DHTKD1: variants seen among roughly 807,000 people sequenced by gnomAD.
DHTKD1 encodes the protein dehydrogenase E1 and transketolase domain containing 1, also known as 2-oxoadipate dehydrogenase complex component E1.
Under a neutral mutation model 101.8 loss-of-function variants are expected in DHTKD1, and 78 were observed. That is an observed-to-expected ratio of 0.77 (90% CI 0.64 to 0.93). The LOEUF (loss-of-function observed/expected upper bound fraction) is 0.93. DHTKD1 is among the 40% of genes least tolerant of loss of function. The pLI is 0.00. For synonymous variants in DHTKD1, 462 were observed against 450.3 expected, an observed-to-expected ratio of 1.03 and a Z score of -0.33; for missense variants, 1,223 against 1,161.7, an observed-to-expected ratio of 1.05 and a Z score of -0.77.
rs188643907 is a variant in DHTKD1 at position 12,100,725 on chromosome 10, T to C, written c.1757-317T>C. The stretch of plus-strand genomic sequence containing the variant: ...TTCTTTCCTGACAATATTACTTATT[T>C]GTAGTATAAGTCATGCTGACAACCT... On this transcript the variant is annotated intron_variant, in intron 9 of 16. Coordinates refer to ENST00000263035, the MANE Select transcript of DHTKD1 (RefSeq NM_018706.7). 8.6e-4 allele frequency among the ~76,000 whole-genome samples: 131 copies of C among 152,308 alleles called. No individual in the cohort carries two copies. The East Asian group carries it at 0.021, about 25-fold the overall frequency.
chr10:12,101,142 C>T lies in DHTKD1; in HGVS notation c.1857C>T (p.Pro619=). ...AGGAGACGGATGACACCTACATCCCCCTGAACCATATGGACCCAAATCAGA... is the reference window on the plus strand; with the variant it reads ...AGGAGACGGATGACACCTACATCCCTCTGAACCATATGGACCCAAATCAGA... ...VCQETDDTYI[P]LNHMDPNQKG... Residue 619 remains proline, a synonymous_variant, in exon 10 of 17, where the codon CCC becomes CCT. Coordinates refer to ENST00000263035, the MANE Select transcript of DHTKD1 (RefSeq NM_018706.7). The T allele has an allele frequency of 1.9e-6, 3 of 1,614,056 alleles. No individual in the cohort carries two copies. The highest frequency in any genetic ancestry group is 2.5e-6 in the Non-Finnish European group (3 of 1,180,012).
In DHTKD1 at chr10:12,081,487, C is replaced by T. The variant is rs749788470; in HGVS notation, c.170C>T (p.Ala57Val). Reference sequence around the variant, plus strand: ...CCTGATTTAGTTGATCATGGCCTTGCCAGGTTGGTGACAGTATATTGTGAG... The same window carrying T: ...CCTGATTTAGTTGATCATGGCCTTGTCAGGTTGGTGACAGTATATTGTGAG... ...LERPPVDHGL[A>V]RLVTVYCEHG... The change falls in exon 2 of 17, where the codon GCC becomes GTC. Residue 57 changes from alanine to valine, a missense_variant. Physicochemically the swap from Ala to Val is moderately conservative, Grantham distance 64 (BLOSUM62 0). Coordinates refer to ENST00000263035, the MANE Select transcript of DHTKD1 (RefSeq NM_018706.7). 1.2e-6 allele frequency: 2 copies of T among 1,613,870 alleles called. No homozygotes were observed. The highest frequency in any genetic ancestry group is 1.7e-5 in the Admixed American group (1 of 59,960).
rs373084091 is a variant in DHTKD1 at position 12,094,728 on chromosome 10, G to A, written c.1358+457G>A. 5.5e-4 allele frequency among the ~76,000 whole-genome samples: 83 copies of A among 152,192 alleles called. 1 individual carries two copies. The highest frequency in any genetic ancestry group is 1.8e-3 in the African/African-American group (76 of 41,532). On this transcript the variant is annotated intron_variant, in intron 7 of 16. Transcript: ENST00000263035. ...GGCTCACTGCAACCTCTGCCTCCTG[G>A]GTTCAAGCAATTGCAATTCTTGTGC... is the stretch of plus-strand genomic sequence containing the variant.
intron 15 of DHTKD1, among the ~76,000 whole-genome samples, chr10:12,119,261 G>A (rs926477828): frequency 6.6e-6 from 1 of 151,358 alleles, no homozygotes; most frequent in Non-Finnish European, 1.5e-5. Flanking sequence ...AGCCGAGATT[G>A]TGCCACTGCA....
At chr10:12,075,532 G>A (rs1040647600) in intron 1 of DHTKD1, among the ~76,000 whole-genome samples, 2 of 150,610 alleles carry the variant, frequency 1.3e-5, no homozygotes, top group East Asian at 1.9e-4. Context: ...GAGCCACTGC[G>A]CCCATCCAAT....
intron 1 of DHTKD1, among the ~76,000 whole-genome samples, chr10:12,071,900 A>G (rs1429560722): frequency 1.3e-5 from 2 of 152,208 alleles, no homozygotes; most frequent in African/African-American, 4.8e-5. Context: ...CATATAGTAC[A>G]TTTGCATTTT....
At chr10:12,117,056 G>T (rs1385644938) in intron 13 of DHTKD1, among the ~76,000 whole-genome samples, 1 of 151,728 alleles carries the variant, frequency 6.6e-6, no homozygotes, top group Non-Finnish European at 1.5e-5. Flanking sequence ...AGGCTGGAGT[G>T]CAATGGTGCG....
chr10:12,089,278 A>G (rs1246168184), intron 5 of DHTKD1, 23 bp downstream of exon 5: 3 of 1,604,350 alleles, frequency 1.9e-6, no homozygotes, highest in Non-Finnish European at 2.6e-6. Flanking sequence ...TCTGAAATTG[A>G]GGCCAGAGGT....
chr10:12,101,083 A>G lies in DHTKD1; in HGVS notation c.1798A>G (p.Thr600Ala). The stretch of plus-strand genomic sequence containing the variant: ...AAGTGGCCAAGATGTTGGTCGTGGA[A>G]CTTTCAGTCAGAGGCATGCAATCGT... ...RLSGQDVGRG[T>A]FSQRHAIVVC... The change falls in exon 10 of 17, where the codon ACT becomes GCT. Residue 600 changes from threonine (T) to alanine (A), a missense_variant. Thr to Ala is a moderately conservative substitution (Grantham distance 58). Transcript: ENST00000263035. 1 of 1,614,132 alleles carries G rather than the reference A, an allele frequency of 6.2e-7. No individual in the cohort carries two copies. The highest frequency in any genetic ancestry group is 8.5e-7 in the Non-Finnish European group (1 of 1,180,016).
intron 16 of DHTKD1, among the ~76,000 whole-genome samples, chr10:12,120,583 A>G (rs1013483530): frequency 7.2e-5 from 11 of 151,796 alleles, no homozygotes; most frequent in African/African-American, 2.2e-4. Flanking sequence ...TGATCCGCCC[A>G]CCTCGGCCTC....
At chr10:12,095,854 A>G (rs976269482) in intron 7 of DHTKD1, among the ~76,000 whole-genome samples, 1 of 149,152 alleles carries the variant, frequency 6.7e-6, no homozygotes, top group Non-Finnish European at 1.5e-5. Context: ...GAAAAGAAAA[A>G]GAAAAATTAG....
At chr10:12,081,440 T>C in intron 1 of DHTKD1, 32 bp from the exon 2 acceptor site, 2 of 1,603,470 alleles carry the variant, frequency 1.2e-6, no homozygotes, top group Non-Finnish European at 1.7e-6. Flanking sequence ...TCTCCTAAAC[T>C]GTTTGCATTT....
intron 5 of DHTKD1, among the ~76,000 whole-genome samples, chr10:12,089,489 A>G (rs1832955831): frequency 6.6e-6 from 1 of 152,094 alleles, no homozygotes; most frequent in African/African-American, 2.4e-5. Flanking sequence ...CTTATGAATT[A>G]ACTTGGGGTT....
At chr10:12,106,918 AC>A (rs749436212) in intron 11 of DHTKD1, among the ~76,000 whole-genome samples, 2 of 149,664 alleles carry the variant, frequency 1.3e-5, no homozygotes, top group East Asian at 3.9e-4. Context: ...CGTGCCCACC[AC>A]CCCCTGTTTC....
chr10:12,094,837 C>T (rs546629594), intron 7 of DHTKD1, among the ~76,000 whole-genome samples: 6 of 150,974 alleles, frequency 4.0e-5, no homozygotes, highest in South Asian at 2.1e-4. Flanking sequence ...ACAGGGGTTT[C>T]GCCATGTTGG....
In DHTKD1 at chr10:12,120,387, G is replaced by A. The variant is rs555156295; in HGVS notation, c.2658+120G>A. The stretch of plus-strand genomic sequence containing the variant: ...CTCACTCTGTTGCCCAGGCTGGAGT[G>A]CAGTGGCGCAATCTCAGCTCACTGC... On this transcript the variant is annotated intron_variant, in intron 16 of 16. Transcript: ENST00000263035. 719 of 819,870 alleles carry A rather than the reference G, an allele frequency of 8.8e-4. 4 individuals carry two copies. The African/African-American group carries it at 0.011, about 13-fold the overall frequency. 50.8% of individuals were successfully genotyped at this position (819,870 alleles called of 1,614,324 possible). A position where few individuals can be genotyped will look rare whatever the true frequency, so the allele number is the denominator to read the frequency against.
rs1471743444 is a variant in DHTKD1, at chr10:12,110,185, C to G, written c.2154+2170C>G. 6.6e-6 allele frequency among the ~76,000 whole-genome samples: 1 copy of G among 152,128 alleles called. No individual in the cohort carries two copies. The highest frequency in any genetic ancestry group is 2.4e-5 in the African/African-American group (1 of 41,416). On this transcript the variant is annotated intron_variant, in intron 12 of 16. Transcript: ENST00000263035. This position sits in a 1 kb window ranked among gnomAD's most constrained non-coding sequence, Gnocchi z 4.9. ...CGGTGGCAGGCACCTGTAGTCCCAGCTACTTGGGAGGCTGAGGCAGGGGAA... is the reference window on the plus strand; with the variant it reads ...CGGTGGCAGGCACCTGTAGTCCCAGGTACTTGGGAGGCTGAGGCAGGGGAA...
rs1833359066 is a variant in DHTKD1, at chr10:12,113,023, C to A, written c.2278C>A (p.Pro760Thr). 6.2e-7 allele frequency: 1 copy of A among 1,613,338 alleles called. No homozygotes were observed. ...RRQMVRNFRK[P>T]LIVASPKMLL... ...ACAGATGGTCCGGAACTTCAGAAAA[C>A]CACTCATTGTTGCTTCCCCTAAGAT... Residue 760 changes from proline to threonine, a missense_variant, in exon 13 of 17, where the codon CCA becomes ACA. Pro to Thr is a conservative substitution (Grantham distance 38). Transcript: ENST00000263035.
intron 1 of DHTKD1, among the ~76,000 whole-genome samples, chr10:12,072,461 CAATAAAT>C (rs1209157475): frequency 1.3e-5 from 2 of 148,402 alleles, no homozygotes; most frequent in African/African-American, 5.0e-5. Context: ...GACTCTGTCT[CAATAAAT>C]AAATAAATAA....
Sources: gnomAD v4.1 joint callset for allele counts (sites outside exome capture counted in the v4.1 genomes callset) on GRCh38, gnomAD v4.1.1 for gene constraint, Gnocchi (gnomAD v3.1) non-coding constraint, MANE v1.5 for transcripts, NCBI Gene and HGNC (gene_info 2026-07-23, HGNC 2026-07-21) for gene names.